BCAS3: variants seen among roughly 807,000 people sequenced by gnomAD.
BCAS3 encodes BCAS3 microtubule associated cell migration factor.
A neutral mutation model predicts 116.1 loss-of-function variants in BCAS3; 53 were observed. The ratio of observed to expected loss-of-function variants is 0.46; its 90% CI spans 0.37 to 0.57. The LOEUF is 0.57. Ranked by LOEUF, BCAS3 falls within the 20% of genes least tolerant of loss-of-function variation. The pLI is 0.00. For missense variants in BCAS3, 917 were observed against 1,165.4 expected, an observed-to-expected ratio of 0.79 and a Z score of 3.10; for synonymous variants, 391 against 408.2, an observed-to-expected ratio of 0.96 and a Z score of 0.51.
In BCAS3 at chr17:61,281,366, G is replaced by C. The variant is rs576317632; in HGVS notation, c.2426-86961G>C. 1.6e-3 allele frequency among the ~76,000 whole-genome samples: 239 copies of C among 152,250 alleles called. No homozygotes were observed. Among genetic ancestry groups the C allele is most frequent in the African/African-American group, 5.6e-3 (231 of 41,562 alleles). On this transcript the variant is annotated intron_variant, in intron 22 of 23. Transcript: ENST00000407086. This position sits in a 1 kb window ranked among gnomAD's most constrained non-coding sequence, Gnocchi z 4.2. ...TTAGAAGTAGAATTCCCAGGTCAAA[G>C]GATAAGTGACCTAGGAATTTTTTGT...
At chr17:61,254,787 A>AAAAAAAAAAAAAAAG (rs1163301944) in intron 22 of BCAS3, among the ~76,000 whole-genome samples, 2 of 150,734 alleles carry the variant, frequency 1.3e-5, no homozygotes, top group African/African-American at 4.9e-5. Flanking sequence ...GAAAAAAAAA[A>AAAAAAAAAAAAAAAG]AAGGATTAGA....
intron 19 of BCAS3, among the ~76,000 whole-genome samples, chr17:61,055,911 T>C (rs1408192491): frequency 6.6e-6 from 1 of 152,204 alleles, no homozygotes; most frequent in African/African-American, 2.4e-5. Context: ...GCCTTGGATA[T>C]AGTGAATGGA....
At chr17:60,736,234 A>C (rs1335964879) in intron 5 of BCAS3, among the ~76,000 whole-genome samples, 1 of 151,232 alleles carries the variant, frequency 6.6e-6, no homozygotes, top group Non-Finnish European at 1.5e-5. Context: ...GTTGGGTTTG[A>C]TTTGCTAGTA....
chr17:61,174,819 T>C (rs1292992482), intron 22 of BCAS3, among the ~76,000 whole-genome samples: 1 of 152,066 alleles, frequency 6.6e-6, no homozygotes, highest in East Asian at 1.9e-4. Context: ...TGAGAAAAAA[T>C]CTTGTAGGGA....
At chr17:60,766,224 A>C (rs2044077399) in intron 6 of BCAS3, among the ~76,000 whole-genome samples, 1 of 152,112 alleles carries the variant, frequency 6.6e-6, no homozygotes, top group Admixed American at 6.5e-5. Flanking sequence ...CTGCTTTGTT[A>C]CGTTGCTGGC....
intron 2 of BCAS3, among the ~76,000 whole-genome samples, chr17:60,681,415 G>A (rs1183417317): frequency 4.6e-5 from 7 of 151,582 alleles, no homozygotes; most frequent in Non-Finnish European, 7.4e-5. Flanking sequence ...CAGGAGAATC[G>A]CTTGAACCCG....
At chr17:60,979,724 A>C (rs868295522) in intron 14 of BCAS3, among the ~76,000 whole-genome samples, 3 of 152,100 alleles carry the variant, frequency 2.0e-5, no homozygotes, top group Admixed American at 6.5e-5. Context: ...GAATTTTGTC[A>C]GAGGCCTTTT....
At chr17:60,725,897 CATT>C (rs1383923975) in intron 5 of BCAS3, among the ~76,000 whole-genome samples, 7 of 151,670 alleles carry the variant, frequency 4.6e-5, no homozygotes, top group East Asian at 3.9e-4. Context: ...TTGTTGTTGT[CATT>C]GTTGTTGTTT....
At chr17:61,045,708 C>T (rs952572842) in intron 19 of BCAS3, among the ~76,000 whole-genome samples, 5 of 140,384 alleles carry the variant, frequency 3.6e-5, no homozygotes, top group South Asian at 4.5e-4. Context: ...TCCAGCTACT[C>T]GGAAGGCTGA....
rs1482500566 is a variant in BCAS3 at position 61,388,613 on chromosome 17, A to G, written c.2594-3364A>G. ...AAGATTCCTCAATGCTTTTCTTTTC[A>G]AAAGGGAAAAAAAAAGGAAAAAAAA... On this transcript the variant is annotated intron_variant, in intron 23 of 23. Coordinates refer to ENST00000407086, the MANE Select transcript of BCAS3 (RefSeq NM_017679.5). This position sits in a 1 kb window ranked among gnomAD's most constrained non-coding sequence, Gnocchi z 6.5. The G allele has an allele frequency of 6.5e-7, 1 of 1,532,430 alleles. No homozygotes were observed. The highest frequency in any genetic ancestry group is 8.7e-7 in the Non-Finnish European group (1 of 1,146,496). The allele number at this position is 1,532,430 out of a possible 1,614,324, so 94.9% of individuals were successfully genotyped here.
chr17:60,828,329 G>C (rs1222112733), intron 7 of BCAS3, among the ~76,000 whole-genome samples: 2 of 152,168 alleles, frequency 1.3e-5, no homozygotes, highest in Non-Finnish European at 2.9e-5. Context: ...AGTTGAAGTA[G>C]ATAATTAGGC....
Position 61,327,246 on chromosome 17 carries a change from G to A in BCAS3, c.2426-41081G>A, listed in dbSNP as rs1387146565. Reference sequence around the variant, plus strand: ...GAACTCAGGAGGTAGAGGTTGCAGTGAGCCAAGATTGCACCATTGCACTTC... The same window carrying A: ...GAACTCAGGAGGTAGAGGTTGCAGTAAGCCAAGATTGCACCATTGCACTTC... On this transcript the variant is annotated intron_variant, in intron 22 of 23. Transcript: ENST00000407086. The surrounding 1 kb of genome is among the most constrained non-coding windows in gnomAD (Gnocchi z 5.9). 6.6e-6 allele frequency among the ~76,000 whole-genome samples: 1 copy of A among 152,076 alleles called. No homozygotes were observed. Among genetic ancestry groups the A allele is most frequent in the Admixed American group, 6.6e-5 (1 of 15,264 alleles).
intron 5 of BCAS3, among the ~76,000 whole-genome samples, chr17:60,714,982 T>C (rs1336814881): frequency 6.6e-6 from 1 of 152,196 alleles, no homozygotes; most frequent in Non-Finnish European, 1.5e-5. Flanking sequence ...AACAATGTTA[T>C]TGACTCTTTT....
chr17:60,829,918 G>C (rs188818885), intron 7 of BCAS3, among the ~76,000 whole-genome samples: 13 of 152,188 alleles, frequency 8.5e-5, no homozygotes. Context: ...TCCACTGGTA[G>C]CTATTGTAAA....
chr17:60,806,019 C>T lies in BCAS3; in HGVS notation c.404-1985C>T, dbSNP rs140439383. On this transcript the variant is annotated intron_variant, in intron 6 of 23. Transcript: ENST00000407086. ...GGATTACAGCGCCTGCCTCCATGCT[C>T]GCGCTAATTTTTATATTTTTGTATT... 2.3e-4 allele frequency among the ~76,000 whole-genome samples: 35 copies of T among 151,470 alleles called. 1 individual carries two copies. The East Asian group carries it at 4.7e-3, about 20-fold the overall frequency.
chr17:61,147,711 G>A (rs544327757), intron 22 of BCAS3, among the ~76,000 whole-genome samples: 2 of 152,232 alleles, frequency 1.3e-5, no homozygotes, highest in South Asian at 4.1e-4. Flanking sequence ...TTGGGGCGGG[G>A]CACCGTGGCT....
intron 7 of BCAS3, among the ~76,000 whole-genome samples, chr17:60,844,394 A>G (rs572391781): frequency 1.2e-4 from 19 of 152,354 alleles, no homozygotes; most frequent in Non-Finnish European, 2.6e-4. Context: ...CATATTGCTC[A>G]AAATAATTTC....
intron 14 of BCAS3, among the ~76,000 whole-genome samples, chr17:60,984,476 C>T (rs931583484): frequency 4.0e-5 from 6 of 151,566 alleles, no homozygotes; most frequent in African/African-American, 1.2e-4. Flanking sequence ...ATATATACAG[C>T]TTTTTTTTAA....
chr17:60,849,759 T>C (rs1018609784), intron 7 of BCAS3, among the ~76,000 whole-genome samples: 1 of 152,072 alleles, frequency 6.6e-6, no homozygotes, highest in African/African-American at 2.4e-5. Flanking sequence ...TTCCTTTTCC[T>C]CCTCCTGTTC....
Sources: gnomAD v4.1 joint callset for allele counts (sites outside exome capture counted in the v4.1 genomes callset) on GRCh38, gnomAD v4.1.1 for gene constraint, Gnocchi (gnomAD v3.1) non-coding constraint, MANE v1.5 for transcripts, NCBI Gene and HGNC (gene_info 2026-07-23, HGNC 2026-07-21) for gene names.